The following COLEC10 variants were observed in gnomAD, a reference collection of about 807,000 sequenced individuals.
COLEC10 encodes the protein collectin subfamily member 10, also known as collectin-10.
Under a neutral mutation model 28.4 loss-of-function variants are expected in COLEC10, and 22 were observed. That is an observed-to-expected ratio of 0.78 (90% confidence interval 0.55 to 1.11). The LOEUF (loss-of-function observed/expected upper bound fraction) is 1.11. Ranked by LOEUF, COLEC10 falls within the 50% of genes least tolerant of loss-of-function variation. The pLI is 0.00. For missense variants in COLEC10, 361 were observed against 344.1 expected, an observed-to-expected ratio of 1.05 and a Z score of -0.39; for synonymous variants, 125 against 116.1, an observed-to-expected ratio of 1.08 and a Z score of -0.49.
At chr8:119,085,447 T>C (rs1815454982) in intron 1 of COLEC10, among the ~76,000 whole-genome samples, 1 of 151,990 alleles carries the variant, frequency 6.6e-6, no homozygotes, top group South Asian at 2.1e-4. Context: ...TTTCCAAGAA[T>C]GAGGATGCAA....
At chr8:119,036,482 T>A (rs1814391307) in intron 2 of COLEC10, among the ~76,000 whole-genome samples, 1 of 152,198 alleles carries the variant, frequency 6.6e-6, no homozygotes, top group Non-Finnish European at 1.5e-5. Flanking sequence ...AATCCAATAG[T>A]AAGTATATTG....
rs1188376593 is a variant in COLEC10 at position 119,106,775 on chromosome 8, T to C, written c.*584T>C. On this transcript the variant is annotated 3_prime_UTR_variant, in exon 6 of 6. Coordinates refer to ENST00000332843, the MANE Select transcript of COLEC10 (RefSeq NM_006438.5). ...CCCAAACCTTTATATGGGGGACTTC[T>C]AGCTTTGTGTCTTGTTTCAGACCAT... Among the ~76,000 whole-genome samples the C allele has an allele frequency of 1.3e-5, 2 of 152,198 alleles. No individual in the cohort carries two copies. The highest frequency in any genetic ancestry group is 2.9e-5 in the Non-Finnish European group (2 of 68,022).
At chr8:119,091,593 G>GAA (rs1815600194) in intron 3 of COLEC10, among the ~76,000 whole-genome samples, 10 of 86,042 alleles carry the variant, frequency 1.2e-4, no homozygotes, top group South Asian at 3.5e-4. Context: ...GAGAGAGAGA[G>GAA]AGAGAAAGAA....
At chr8:119,092,919 A>AG (rs1815639608) in intron 3 of COLEC10, among the ~76,000 whole-genome samples, 2 of 152,138 alleles carry the variant, frequency 1.3e-5, no homozygotes. Context: ...GAAAAAAAAA[A>AG]GAATTATAAT....
intron 2 of COLEC10, among the ~76,000 whole-genome samples, chr8:119,055,866 A>G (rs1166938876): frequency 6.6e-6 from 1 of 151,666 alleles, no homozygotes; most frequent in Non-Finnish European, 1.5e-5. Flanking sequence ...TTTTCTTCTC[A>G]GTTTCTATTT....
chr8:119,020,191 A>G (rs1814067988), intron 2 of COLEC10, among the ~76,000 whole-genome samples: 1 of 152,124 alleles, frequency 6.6e-6, no homozygotes, highest in Admixed American at 6.6e-5. Context: ...GCTCTGCCTC[A>G]TTCTACGTTC....
At chr8:118,975,158 G>A in the COLEC10 span, among the ~76,000 whole-genome samples, 4 of 151,950 alleles carry the variant, frequency 2.6e-5, no homozygotes, top group Admixed American at 6.6e-5. Context: ...TAAAACAGAA[G>A]GTCAGGATGA....
chr8:119,072,377 T>A (rs1473217056), intron 1 of COLEC10, among the ~76,000 whole-genome samples: 1 of 151,952 alleles, frequency 6.6e-6, no homozygotes, highest in Non-Finnish European at 1.5e-5. Context: ...ATTATTTCAA[T>A]GGACTTTGAG....
intron 1 of COLEC10, among the ~76,000 whole-genome samples, chr8:119,069,626 AAAAATATATATAT>A (rs1815055660): frequency 1.6e-5 from 1 of 61,964 alleles, no homozygotes; most frequent in African/African-American, 9.4e-5. Context: ...AAAAAAAAAA[AAAAATATATATAT>A]ATATATATAT....
At chr8:119,066,136 A>G (rs1395778511), upstream of COLEC10, among the ~76,000 whole-genome samples, 1 of 152,192 alleles carries the variant, frequency 6.6e-6, no homozygotes, top group Non-Finnish European at 1.5e-5. Flanking sequence ...TTCAGCAGTC[A>G]GTCTGTATCA....
chr8:118,970,054 A>C, the COLEC10 span, among the ~76,000 whole-genome samples: 14 of 152,078 alleles, frequency 9.2e-5, no homozygotes, highest in Admixed American at 6.6e-4. Context: ...TGAGCTGCTA[A>C]AATGTGTTAT....
intron 1 of COLEC10, among the ~76,000 whole-genome samples, chr8:119,085,915 G>T (rs566754211): frequency 1.1e-3 from 168 of 152,078 alleles, no homozygotes; most frequent in African/African-American, 3.8e-3. Flanking sequence ...ACCATGCCCA[G>T]TCTATCCCAT....
At chr8:118,982,504 A>G in the COLEC10 span, 2 of 157,334 alleles carry the variant, frequency 1.3e-5, no homozygotes, top group East Asian at 3.5e-4. Context: ...CGGTGCACCT[A>G]CACATCTAAT....
rs777358689 is a variant in COLEC10, at chr8:119,067,294, G to A, written c.13G>A (p.Ala5Thr). The A allele has an allele frequency of 6.2e-7, 1 of 1,613,804 alleles. No individual in the cohort carries two copies. The highest frequency in any genetic ancestry group is 1.1e-5 in the South Asian group (1 of 91,054). Residue 5 changes from alanine (A) to threonine (T), a missense_variant, in exon 1 of 6, where the codon GCA (alanine) becomes ACA (threonine). Ala to Thr is a moderately conservative substitution (Grantham distance 58). Transcript: ENST00000332843. MNGF[A>T]SLLRRNQFIL... ...AGGAACCACAGCAATGAATGGCTTTGCATCCTTGCTTCGAAGAAACCAATT... is the reference window on the plus strand; with the variant it reads ...AGGAACCACAGCAATGAATGGCTTTACATCCTTGCTTCGAAGAAACCAATT...
At chr8:118,968,092 TA>T in the COLEC10 span, among the ~76,000 whole-genome samples, 1 of 152,130 alleles carries the variant, frequency 6.6e-6, no homozygotes, top group South Asian at 2.1e-4. Context: ...TAAAATTAGA[TA>T]TTTGTTTTAG....
the COLEC10 span, among the ~76,000 whole-genome samples, chr8:118,990,218 C>G: frequency 1.3e-5 from 2 of 151,816 alleles, no homozygotes; most frequent in African/African-American, 4.8e-5. Flanking sequence ...AATATTTTAT[C>G]TAATATTATC....
intron 3 of COLEC10, 101 bp from the exon 4 acceptor site, chr8:119,102,244 TTCC>T: frequency 3.7e-6 from 1 of 270,016 alleles, no homozygotes; most frequent in South Asian, 3.3e-5. Context: ...CCCTCCCTCC[TTCC>T]TTCTTTTCCT....
the COLEC10 span, among the ~76,000 whole-genome samples, chr8:118,969,186 G>T: frequency 1.3e-5 from 2 of 151,998 alleles, no homozygotes; most frequent in South Asian, 2.1e-4. Flanking sequence ...ACCTCTGGAA[G>T]CGAATAAAGG....
intron 2 of COLEC10, among the ~76,000 whole-genome samples, chr8:119,032,568 G>C (rs1428979971): frequency 6.6e-6 from 1 of 152,176 alleles, no homozygotes; most frequent in Non-Finnish European, 1.5e-5. Flanking sequence ...GAGGAATGAG[G>C]ACCATCTCTG....
Sources: allele counts gnomAD v4.1 joint callset (sites outside exome capture counted in the v4.1 genomes callset), GRCh38; gene constraint gnomAD v4.1.1; transcripts MANE v1.5; gene names NCBI Gene and HGNC (gene_info 2026-07-23, HGNC 2026-07-21).